IPO11: variants seen among roughly 807,000 people sequenced by gnomAD.
IPO11 encodes the protein importin 11.
A neutral mutation model predicts 143.2 loss-of-function variants in IPO11; 66 were observed. That is an observed-to-expected ratio of 0.46 (90% confidence interval 0.38 to 0.57). The LOEUF (loss-of-function observed/expected upper bound fraction) is 0.57. Ranked by LOEUF, IPO11 falls within the 20% of genes least tolerant of loss-of-function variation. The probability of loss-of-function intolerance (pLI) is 0.00; values close to 1 mark genes in which losing one functional copy is unlikely to be tolerated. For missense variants in IPO11, 1,026 were observed against 1,141.0 expected, an observed-to-expected ratio of 0.90 and a Z score of 1.45; for synonymous variants, 385 against 377.8, an observed-to-expected ratio of 1.02 and a Z score of -0.22.
intron 16 of IPO11, among the ~76,000 whole-genome samples, chr5:62,499,565 C>G (rs1741275275): frequency 7.3e-6 from 1 of 137,764 alleles, no homozygotes; most frequent in Non-Finnish European, 1.5e-5. Flanking sequence ...ACATCTTACT[C>G]TAACTTTTTT....
At chr5:62,603,162 C>G (rs1225740573) in intron 29 of IPO11, among the ~76,000 whole-genome samples, 1 of 152,124 alleles carries the variant, frequency 6.6e-6, no homozygotes, top group Non-Finnish European at 1.5e-5. Flanking sequence ...AAAAACATCA[C>G]CGAACTTCTT....
chr5:62,572,798 G>A (rs1197108605), intron 27 of IPO11, among the ~76,000 whole-genome samples: 2 of 151,990 alleles, frequency 1.3e-5, no homozygotes, highest in East Asian at 3.9e-4. Context: ...GCTCAGGCTG[G>A]TCTTGAACTC....
chr5:62,579,685 C>T (rs1232978236), intron 27 of IPO11: 2 of 1,547,194 alleles, frequency 1.3e-6, no homozygotes, highest in Admixed American at 4.0e-5. Flanking sequence ...ATTAACAGGA[C>T]TTCATTCTCT....
At chr5:62,589,212 A>G (rs535011459) in intron 27 of IPO11, among the ~76,000 whole-genome samples, 1 of 151,246 alleles carries the variant, frequency 6.6e-6, no homozygotes, top group African/African-American at 2.4e-5. Flanking sequence ...TCAACCCTGC[A>G]CTCCCTCTAG....
At chr5:62,474,498 G>T (rs781166969) in intron 8 of IPO11, 34 bp downstream of exon 8, 4 of 1,467,798 alleles carry the variant, frequency 2.7e-6, no homozygotes, top group South Asian at 1.2e-5. Flanking sequence ...TTTTACTGTA[G>T]AATTTTTATT....
At chr5:62,626,086 A>G (rs920210810) in intron 29 of IPO11, among the ~76,000 whole-genome samples, 1 of 151,742 alleles carries the variant, frequency 6.6e-6, no homozygotes, top group Non-Finnish European at 1.5e-5. Context: ...CTGGAGTGCA[A>G]TGGCACGATC....
chr5:62,585,926 G>A (rs1409200062), intron 27 of IPO11, among the ~76,000 whole-genome samples: 1 of 152,186 alleles, frequency 6.6e-6, no homozygotes, highest in Non-Finnish European at 1.5e-5. Context: ...GAGTCACTGG[G>A]TTGATAGAGA....
At chr5:62,489,667 A>G (rs1185422205) in intron 14 of IPO11, among the ~76,000 whole-genome samples, 1 of 152,190 alleles carries the variant, frequency 6.6e-6, no homozygotes, top group Non-Finnish European at 1.5e-5. Flanking sequence ...AGGGTGTTGC[A>G]TTCCAGGGAG....
At chr5:62,439,434 C>T (rs1744375520) in intron 2 of IPO11, among the ~76,000 whole-genome samples, 1 of 151,498 alleles carries the variant, frequency 6.6e-6, no homozygotes, top group African/African-American at 2.4e-5. Flanking sequence ...CTACAGGTGC[C>T]CGCCACCACG....
At chr5:62,493,279 C>T (rs949563232) in intron 15 of IPO11, among the ~76,000 whole-genome samples, 3 of 152,082 alleles carry the variant, frequency 2.0e-5, no homozygotes, top group African/African-American at 7.2e-5. Context: ...ATAGTATTAA[C>T]AGAATTGGAG....
At chr5:62,610,969 A>G (rs2112464735) in intron 29 of IPO11, among the ~76,000 whole-genome samples, 1 of 152,288 alleles carries the variant, frequency 6.6e-6, no homozygotes, top group East Asian at 1.9e-4. Flanking sequence ...ACTTGTTTTT[A>G]TCTATGCTTT....
intron 19 of IPO11, among the ~76,000 whole-genome samples, chr5:62,507,578 T>G (rs577108292): frequency 2.6e-5 from 4 of 152,312 alleles, no homozygotes; most frequent in African/African-American, 9.6e-5. Flanking sequence ...GAGCATAAAA[T>G]TATTTCACAT....
chr5:62,608,504 G>A (rs1308106035), intron 29 of IPO11, among the ~76,000 whole-genome samples: 1 of 152,140 alleles, frequency 6.6e-6, no homozygotes, highest in Admixed American at 6.6e-5. Context: ...TTTAAACTTT[G>A]TCCTGTATTC....
chr5:62,525,097 T>C (rs184806322), intron 20 of IPO11, among the ~76,000 whole-genome samples: 26 of 152,262 alleles, frequency 1.7e-4, no homozygotes, highest in Admixed American at 3.9e-4. Flanking sequence ...AAAAATGTTA[T>C]CAAAAATTCT....
chr5:62,459,653 C>T (rs549694314), intron 5 of IPO11, among the ~76,000 whole-genome samples: 157 of 152,076 alleles, frequency 1.0e-3, no homozygotes, highest in African/African-American at 3.6e-3. Context: ...CGGGTTCAAG[C>T]AGTTCTTCTG....
intron 28 of IPO11, among the ~76,000 whole-genome samples, chr5:62,597,056 T>A (rs905733536): frequency 6.6e-6 from 1 of 152,228 alleles, no homozygotes; most frequent in African/African-American, 2.4e-5. Flanking sequence ...TTGTCTTTAC[T>A]GCTAATATAC....
At chr5:62,485,281 A>G (rs1746357806) in intron 11 of IPO11, 138 bp from the exon 12 acceptor site, 7 of 640,816 alleles carry the variant, frequency 1.1e-5, no homozygotes, top group Non-Finnish European at 1.9e-5. Context: ...AAATCTGTGT[A>G]AGGCCTGTGT....
chr5:62,415,933 A>G (rs1032920636), intron 1 of IPO11, among the ~76,000 whole-genome samples: 2 of 151,952 alleles, frequency 1.3e-5, no homozygotes, highest in Admixed American at 1.3e-4. Context: ...TACGGGCAAT[A>G]TTTCCTTCAT....
rs1050773426 is a variant in IPO11 at position 62,477,386 on chromosome 5, T to A, written c.828+633T>A. Among the ~76,000 whole-genome samples the A allele has an allele frequency of 2.0e-5, 3 of 152,160 alleles. No individual in the cohort carries two copies. In the South Asian group the frequency reaches 6.2e-4, roughly 31 times the overall value. ...ATCTGTAATCTATTTCCCTTTTTAATTAAAGATTCAATAATAGGGTAGGGG... is the reference window on the plus strand; with the variant it reads ...ATCTGTAATCTATTTCCCTTTTTAAATAAAGATTCAATAATAGGGTAGGGG... On this transcript the variant is annotated intron_variant, in intron 9 of 29. Transcript: ENST00000325324.
Sources: allele counts gnomAD v4.1 joint callset (sites outside exome capture counted in the v4.1 genomes callset), GRCh38; gene constraint gnomAD v4.1.1; transcripts MANE v1.5; gene names NCBI Gene and HGNC (gene_info 2026-07-23, HGNC 2026-07-21).